Variants in KLHL12 observed in about 807,000 individuals in gnomAD.
The protein encoded by KLHL12 is kelch-like protein 12.
KLHL12 carries 17 observed loss-of-function variants against 60.8 expected under a neutral mutation model. The ratio of observed to expected loss-of-function variants is 0.28; its 90% CI spans 0.19 to 0.42. The LOEUF is 0.42. Among genes scored for constraint, KLHL12 ranks in the 10% least tolerant of loss-of-function variants. KLHL12 has a pLI of 1.00. For synonymous variants in KLHL12, 220 were observed against 250.9 expected, an observed-to-expected ratio of 0.88 and a Z score of 1.16; for missense variants, 468 against 722.3, an observed-to-expected ratio of 0.65 and a Z score of 4.04.
chr1:202,918,350 ACT>A lies in KLHL12; in HGVS notation c.386_387del (p.Gln129LeufsTer5). 1 of 1,614,158 alleles carries A rather than the reference ACT, an allele frequency of 6.2e-7. No homozygotes were observed. Among genetic ancestry groups the A allele is most frequent in the East Asian group, 2.2e-5 (1 of 44,874 alleles). Reference sequence around the variant, plus strand: ...ATACCCAGGCAATTAGAAGGGTCCAACTGACTTTCTAAGAACTCACAGCAGGC... The same window carrying A: ...ATACCCAGGCAATTAGAAGGGTCCAAGACTTTCTAAGAACTCACAGCAGGC... ...KQACCEFLES[Q>X]LDPSNCLGIR... On this transcript the variant is annotated frameshift_variant, in exon 4 of 12. Coordinates refer to ENST00000367261, the MANE Select transcript of KLHL12 (RefSeq NM_021633.4). LOFTEE classifies it high-confidence loss of function.
rs868168140 is a variant in KLHL12, at chr1:202,895,127, C to T, written c.1136-378G>A. ...TATTTGTCGGCTGGGCACAGTGGCT[C>T]ACACCTGTAATCCCAGCACCTTGGG... On this transcript the variant is annotated intron_variant, in intron 8 of 11. Transcript: ENST00000367261. The surrounding 1 kb of genome is among the most constrained non-coding windows in gnomAD (Gnocchi z 4.2). Among the ~76,000 whole-genome samples the T allele has an allele frequency of 1.6e-4, 25 of 152,168 alleles. No individual in the cohort carries two copies. The highest frequency in any genetic ancestry group is 6.0e-4 in the African/African-American group (25 of 41,442).
At chr1:202,899,760 T>C (rs550602828) in intron 6 of KLHL12, among the ~76,000 whole-genome samples, 2 of 151,146 alleles carry the variant, frequency 1.3e-5, no homozygotes, top group South Asian at 4.2e-4. Context: ...GAGGAAGAGG[T>C]TGCAGTGAGC....
intron 2 of KLHL12, among the ~76,000 whole-genome samples, chr1:202,923,767 C>T (rs1653346095): frequency 6.6e-6 from 1 of 152,000 alleles, no homozygotes; most frequent in Non-Finnish European, 1.5e-5. Context: ...TAGCACAGTA[C>T]CTGGCCCATA....
chr1:202,923,856 T>C (rs180717568), intron 2 of KLHL12, among the ~76,000 whole-genome samples: 143 of 89,898 alleles, frequency 1.6e-3, no homozygotes, highest in Non-Finnish European at 2.3e-3. Flanking sequence ...ATGATAGAAC[T>C]AACTAAAAAA....
At chr1:202,911,431 T>C (rs180825075) in intron 4 of KLHL12, among the ~76,000 whole-genome samples, 1,659 of 141,550 alleles carry the variant, frequency 0.012, 24 homozygotes, top group African/African-American at 0.04. Flanking sequence ...TATATATATA[T>C]ACACACACAC....
At chr1:202,905,451 CT>C (rs1208232586) in intron 6 of KLHL12, among the ~76,000 whole-genome samples, 17 of 152,168 alleles carry the variant, frequency 1.1e-4, no homozygotes, top group Non-Finnish European at 1.6e-4. Flanking sequence ...AGTTAAAGGA[CT>C]TGTCCAAACA....
At chr1:202,928,303 A>G (rs10800882), upstream of KLHL12, among the ~76,000 whole-genome samples, 82,296 of 149,374 alleles carry the variant, frequency 0.55, 23,656 homozygotes, top group Non-Finnish European at 0.63. Flanking sequence ...AAAGAAAAAA[A>G]AGAAAAAACA....
chr1:202,911,227 G>C, intron 4 of KLHL12, 24 bp from the exon 5 acceptor site: 1 of 1,611,602 alleles, frequency 6.2e-7, no homozygotes, highest in Non-Finnish European at 8.5e-7. Flanking sequence ...ATTACACACC[G>C]TGGATCCTAC....
At chr1:202,911,909 G>A in intron 4 of KLHL12, 1 of 823,668 alleles carries the variant, frequency 1.2e-6, no homozygotes, top group Non-Finnish European at 2.1e-6. Flanking sequence ...AGCCTGAGGA[G>A]CTATTTTGAG....
At chr1:202,918,076 A>G (rs768266282) in intron 4 of KLHL12, 95 bp downstream of exon 4, 9 of 896,222 alleles carry the variant, frequency 1.0e-5, no homozygotes, top group Non-Finnish European at 1.6e-5. Context: ...TGCACACTTA[A>G]TTATGAAGCC....
intron 7 of KLHL12, among the ~76,000 whole-genome samples, chr1:202,896,534 A>G (rs1659839406): frequency 6.6e-6 from 1 of 152,182 alleles, no homozygotes; most frequent in Non-Finnish European, 1.5e-5. Context: ...ATTCAACACA[A>G]TTTAACATTC....
intron 6 of KLHL12, among the ~76,000 whole-genome samples, chr1:202,908,403 A>G (rs1660259959): frequency 6.6e-6 from 1 of 152,128 alleles, no homozygotes; most frequent in Non-Finnish European, 1.5e-5. Context: ...GCTTTACATA[A>G]ATAACTTTAT....
intron 2 of KLHL12, among the ~76,000 whole-genome samples, chr1:202,922,453 A>T (rs1486369199): frequency 2.0e-5 from 3 of 148,080 alleles, no homozygotes; most frequent in African/African-American, 4.9e-5. Flanking sequence ...AAAAAGAGAG[A>T]GCGATAAAGG....
At position 202,897,085 on chromosome 1, in the gene KLHL12, C is replaced by A; in HGVS notation, c.833-125G>T. The A allele has an allele frequency of 6.6e-6, 5 of 752,302 alleles. No homozygotes were observed. In the African/African-American group the frequency reaches 8.6e-5, roughly 13 times the overall value. The allele number at this position is 752,302 out of a possible 1,614,324, so 46.6% of individuals were successfully genotyped here. ...TTTTATGTGGCTGAGGGATGCAATCCGAAATGGGAGATAATCATAAGGCTG... is the reference window on the plus strand; with the variant it reads ...TTTTATGTGGCTGAGGGATGCAATCAGAAATGGGAGATAATCATAAGGCTG... On this transcript the variant is annotated intron_variant, in intron 6 of 11. Transcript: ENST00000367261.
intron 9 of KLHL12, 71 bp from the exon 10 acceptor site, chr1:202,894,353 G>A: frequency 1.9e-6 from 2 of 1,037,100 alleles, no homozygotes; most frequent in Non-Finnish European, 2.9e-6. Context: ...TTTTTTCTGA[G>A]TGCTTCAACT....
intron 2 of KLHL12, among the ~76,000 whole-genome samples, chr1:202,924,378 T>G (rs955342111): frequency 6.6e-6 from 1 of 152,108 alleles, no homozygotes; most frequent in Admixed American, 6.5e-5. Flanking sequence ...TTAGGAGGAG[T>G]GGGATGTGGT....
upstream of KLHL12, among the ~76,000 whole-genome samples, chr1:202,927,635 G>A (rs1421168626): frequency 7.7e-6 from 1 of 130,576 alleles, no homozygotes; most frequent in African/African-American, 2.9e-5. Flanking sequence ...AGCCAGGATC[G>A]CCACTGCACT....
At chr1:202,907,234 TTTTA>T (rs1660222441) in intron 6 of KLHL12, among the ~76,000 whole-genome samples, 2 of 152,222 alleles carry the variant, frequency 1.3e-5, no homozygotes. Flanking sequence ...TATGGATGAT[TTTTA>T]TTTATTTTTT....
rs772795134 is a variant in KLHL12, at chr1:202,925,118, A to C, written c.45T>G (p.His15Gln). 5 of 1,614,056 alleles carry C rather than the reference A, an allele frequency of 3.1e-6. No individual in the cohort carries two copies. The highest frequency in any genetic ancestry group is 8.5e-7 in the Non-Finnish European group (1 of 1,180,024). The stretch of plus-strand genomic sequence containing the variant: ...TCATTGAATTGAGGATGGATTTAGC[A>C]TGAGTATTTGTCATTATGTCTTTGG... ...MAPKDIMTNT[H>Q]AKSILNSMNS... The change falls in exon 2 of 12, where the codon CAT becomes CAG. Residue 15 changes from histidine to glutamine, a missense_variant. His to Gln is a conservative substitution (Grantham distance 24, BLOSUM62 0). Coordinates refer to ENST00000367261, the MANE Select transcript of KLHL12 (RefSeq NM_021633.4).
Sources: allele counts gnomAD v4.1 joint callset (sites outside exome capture counted in the v4.1 genomes callset), GRCh38; gene constraint gnomAD v4.1.1; non-coding constraint Gnocchi (gnomAD v3.1); transcripts MANE v1.5; gene names NCBI Gene and HGNC (gene_info 2026-07-23, HGNC 2026-07-21).